The following CUL1 variants were observed in gnomAD, a reference collection of about 807,000 sequenced individuals.
CUL1 encodes cullin-1.
A neutral mutation model predicts 118.0 loss-of-function variants in CUL1; 24 were observed. The ratio of observed to expected loss-of-function variants is 0.20; its 90% confidence interval spans 0.15 to 0.29. The LOEUF (loss-of-function observed/expected upper bound fraction) is 0.29, where lower values mean the gene tolerates loss of function less well. CUL1 is among the 10% of genes least tolerant of loss of function. The pLI is 1.00. For missense variants in CUL1, 361 were observed against 933.8 expected (o/e 0.39, Z 7.99); for synonymous variants, 332 against 340.4 (o/e 0.98, Z 0.27).
At chr7:148,740,791 G>T (rs1799116436) in intron 2 of CUL1, among the ~76,000 whole-genome samples, 1 of 152,150 alleles carries the variant, frequency 6.6e-6, no homozygotes, top group Admixed American at 6.5e-5. Flanking sequence ...AGAGACACCA[G>T]AGAGCTCTCT....
intron 19 of CUL1, among the ~76,000 whole-genome samples, 162 bp downstream of exon 19, chr7:148,798,181 A>G (rs1801271347): frequency 6.6e-6 from 1 of 152,146 alleles, no homozygotes; most frequent in Admixed American, 6.5e-5. Context: ...GATTCCATTC[A>G]GCGAGCCTGA....
chr7:148,710,618 G>A (rs758026732), intron 1 of CUL1, among the ~76,000 whole-genome samples: 12 of 152,054 alleles, frequency 7.9e-5, no homozygotes, highest in South Asian at 2.1e-4. Flanking sequence ...CTGCTGTTTC[G>A]GAATCATAAG....
intron 17 of CUL1, among the ~76,000 whole-genome samples, chr7:148,797,146 A>T (rs1030741827): frequency 2.8e-4 from 43 of 152,254 alleles, no homozygotes; most frequent in African/African-American, 9.1e-4. Context: ...CAAGTTGACA[A>T]GGTCGCCTGC....
intron 9 of CUL1, among the ~76,000 whole-genome samples, chr7:148,771,027 G>A (rs1800191378): frequency 6.6e-6 from 1 of 152,166 alleles, no homozygotes; most frequent in Non-Finnish European, 1.5e-5. Context: ...GAATCATAGT[G>A]TACGAGAATC....
At chr7:148,744,658 G>A (rs796343479) in intron 2 of CUL1, among the ~76,000 whole-genome samples, 23 of 152,084 alleles carry the variant, frequency 1.5e-4, no homozygotes, top group African/African-American at 5.3e-4. Context: ...ACCATCCTTT[G>A]TATTTTAAAG....
At chr7:148,723,485 A>G (rs1282332271) in intron 1 of CUL1, among the ~76,000 whole-genome samples, 3 of 152,228 alleles carry the variant, frequency 2.0e-5, no homozygotes, top group Non-Finnish European at 2.9e-5. Context: ...AGATGGCATC[A>G]TAGTCAATAT....
At chr7:148,704,058 TA>T (rs2129458805) in intron 1 of CUL1, among the ~76,000 whole-genome samples, 1 of 151,964 alleles carries the variant, frequency 6.6e-6, no homozygotes, top group South Asian at 2.1e-4. Context: ...TAAACAGAAT[TA>T]AAAGGTGACT....
intron 9 of CUL1, among the ~76,000 whole-genome samples, chr7:148,776,408 C>T (rs1563166150): frequency 6.8e-6 from 1 of 147,122 alleles, no homozygotes; most frequent in Non-Finnish European, 1.5e-5. Context: ...CCTCCACCTC[C>T]CAGGTTCAAG....
At position 148,750,530 on chromosome 7, in the gene CUL1, A is replaced by G. The variant is rs542095214; in HGVS notation, c.141-3446A>G. Among the ~76,000 whole-genome samples, 11 of 151,938 alleles carry G rather than the reference A, an allele frequency of 7.2e-5. No homozygotes were observed. In the South Asian group the frequency reaches 2.3e-3, roughly 32 times the overall value. ...TGTCTTCATTGTTCAATTCCCACCT[A>G]TGAGTGAGAACATGCAGTGTTTGGT... On this transcript the variant is annotated intron_variant, in intron 2 of 21. Transcript: ENST00000325222.
intron 9 of CUL1, among the ~76,000 whole-genome samples, chr7:148,783,146 T>C (rs970897589): frequency 2.0e-5 from 3 of 152,192 alleles, no homozygotes; most frequent in African/African-American, 7.2e-5. Flanking sequence ...GTCGCCGCCT[T>C]CCTTTGGCCA....
At chr7:148,772,152 C>G (rs1800233159) in intron 9 of CUL1, among the ~76,000 whole-genome samples, 1 of 152,176 alleles carries the variant, frequency 6.6e-6, no homozygotes, top group East Asian at 1.9e-4. Context: ...CAGTGGCTCA[C>G]ACCTGTAATC....
intron 2 of CUL1, among the ~76,000 whole-genome samples, chr7:148,740,947 TC>T (rs2129459925): frequency 6.6e-6 from 1 of 152,280 alleles, no homozygotes; most frequent in East Asian, 1.9e-4. Context: ...GAAAATAAAT[TC>T]CTGTTGTTTA....
At chr7:148,717,653 A>AGCC (rs1798259378) in intron 1 of CUL1, among the ~76,000 whole-genome samples, 1 of 151,712 alleles carries the variant, frequency 6.6e-6, no homozygotes, top group Admixed American at 6.6e-5. Flanking sequence ...CCACTGACCC[A>AGCC]GCCGCCACCT....
chr7:148,734,092 G>GT (rs1798861030), intron 2 of CUL1, among the ~76,000 whole-genome samples: 3 of 151,870 alleles, frequency 2.0e-5, no homozygotes, highest in Admixed American at 2.0e-4. Flanking sequence ...ATCCACTTTA[G>GT]TTAACTTGGT....
In CUL1 at chr7:148,757,096, T is replaced by C. The variant is rs377311038; in HGVS notation, c.429T>C (p.His143=). 1.1e-5 allele frequency: 18 copies of C among 1,600,766 alleles called. No homozygotes were observed. Among genetic ancestry groups the C allele is most frequent in the Non-Finnish European group, 1.4e-5 (16 of 1,174,390 alleles). Residue 143 remains histidine (H), a synonymous_variant, in exon 4 of 22, where the codon CAT becomes CAC. Coordinates refer to ENST00000325222, the MANE Select transcript of CUL1 (RefSeq NM_003592.3). ...LNGICAYLNR[H]WVRRECDEGR... ...GAATTTGTGCCTACCTCAATAGACATTGGGTTCGCCGTGAATGTGACGAAG... is the reference window on the plus strand; with the variant it reads ...GAATTTGTGCCTACCTCAATAGACACTGGGTTCGCCGTGAATGTGACGAAG...
rs370012976 is a variant in CUL1 at position 148,710,269 on chromosome 7, G to A, written c.-162+11240G>A. Among the ~76,000 whole-genome samples the A allele has an allele frequency of 1.1e-4, 16 of 149,512 alleles. 1 individual carries two copies. The highest frequency in any genetic ancestry group is 6.9e-3 in the Middle Eastern group (2 of 290). ...AAAGAAAGGTGCATCTTGACTAGGG[G>A]CATTACTATAAAAAATACCAGTGGG... On this transcript the variant is annotated intron_variant, in intron 1 of 21. Transcript: ENST00000325222.
At chr7:148,770,337 T>C (rs558767538) in intron 9 of CUL1, among the ~76,000 whole-genome samples, 3 of 152,346 alleles carry the variant, frequency 2.0e-5, no homozygotes, top group South Asian at 2.1e-4. Flanking sequence ...AGAAGAGTTA[T>C]AGCTCAGTAA....
intron 9 of CUL1, among the ~76,000 whole-genome samples, chr7:148,772,048 G>T (rs779037155): frequency 1.1e-4 from 17 of 151,972 alleles, no homozygotes; most frequent in African/African-American, 3.9e-4. Flanking sequence ...TGATTTTTTT[G>T]ACTTTAAAAT....
intron 2 of CUL1, among the ~76,000 whole-genome samples, chr7:148,740,302 A>G (rs1584781581): frequency 6.6e-6 from 1 of 152,018 alleles, no homozygotes; most frequent in Admixed American, 6.5e-5. Context: ...TAATCCACCT[A>G]CCTCGGCCTC....
Sources: gnomAD v4.1 joint callset for allele counts (sites outside exome capture counted in the v4.1 genomes callset) on GRCh38, gnomAD v4.1.1 for gene constraint, MANE v1.5 for transcripts, NCBI Gene and HGNC (gene_info 2026-07-23, HGNC 2026-07-21) for gene names.